MASP1: variants seen among roughly 807,000 people sequenced by gnomAD.
MASP1 encodes mannan-binding lectin serine protease 1.
Under a neutral mutation model 77.1 loss-of-function variants are expected in MASP1, and 59 were observed. The observed-to-expected ratio is 0.77, with a 90% confidence interval of 0.62 to 0.95. MASP1 has a LOEUF of 0.95. Ranked by LOEUF, MASP1 falls within the 40% of genes least tolerant of loss-of-function variation. The probability of loss-of-function intolerance (pLI) is 0.00; values close to 1 mark genes in which losing one functional copy is unlikely to be tolerated. For synonymous variants in MASP1, 362 were observed against 354.5 expected (o/e 1.02, Z -0.24); for missense variants, 885 against 912.9 (o/e 0.97, Z 0.39).
rs183672561 is a variant in MASP1, at chr3:187,291,663, G to T, written c.-31C>A. 4.3e-6 allele frequency: 7 copies of T among 1,614,164 alleles called. No individual in the cohort carries two copies. In the East Asian group the frequency reaches 1.3e-4, roughly 31 times the overall value. ...TGCCTTGGGTGCTCCCGGCTGCCCG[G>T]CCTTGGTCCTCCCAGCTTGACTTGC... On this transcript the variant is annotated 5_prime_UTR_variant, in exon 1 of 11. Transcript: ENST00000296280.
At chr3:187,246,380 C>A in intron 8 of MASP1, 1 of 985,354 alleles carries the variant, frequency 1.0e-6, no homozygotes. Context: ...GACATTTATT[C>A]AACTGACACT....
chr3:187,224,568 G>A (rs1295664576), intron 13 of MASP1, among the ~76,000 whole-genome samples: 1 of 151,896 alleles, frequency 6.6e-6, no homozygotes, highest in African/African-American at 2.4e-5. Context: ...GGATGGTCTC[G>A]ATCTCCTGAC....
intron 1 of MASP1, 48 bp from the exon 2 acceptor site, chr3:187,286,104 C>T (rs1262008643): frequency 5.6e-6 from 8 of 1,432,362 alleles, no homozygotes; most frequent in Non-Finnish European, 7.9e-6. Context: ...ACACAGGCCC[C>T]TGCCATTCAT....
At chr3:187,220,292 A>AAAT (rs1560225073) in intron 15 of MASP1, 1 of 1,603,572 alleles carries the variant, frequency 6.2e-7, no homozygotes, top group Admixed American at 1.7e-5. Flanking sequence ...GATGAAGATA[A>AAAT]AATGCCCCTT....
intron 10 of MASP1, among the ~76,000 whole-genome samples, chr3:187,240,738 TCTC>T (rs1435620918): frequency 6.6e-6 from 1 of 152,160 alleles, no homozygotes; most frequent in Admixed American, 6.5e-5. Flanking sequence ...TTCAAGCAAT[TCTC>T]CTCTCTCAGC....
intron 1 of MASP1, among the ~76,000 whole-genome samples, chr3:187,288,532 C>T (rs1461714668): frequency 3.3e-5 from 5 of 152,238 alleles, no homozygotes; most frequent in African/African-American, 1.2e-4. Context: ...CGACTTCCCA[C>T]AGCACTGCTA....
chr3:187,220,630 T>A (rs1488753790), intron 15 of MASP1, among the ~76,000 whole-genome samples: 1 of 151,744 alleles, frequency 6.6e-6, no homozygotes, highest in Non-Finnish European at 1.5e-5. Flanking sequence ...CCCGAGTAGC[T>A]GGGACTACAG....
chr3:187,266,973 A>G (rs536266177), intron 2 of MASP1, among the ~76,000 whole-genome samples: 93 of 152,380 alleles, frequency 6.1e-4, no homozygotes, highest in African/African-American at 2.2e-3. Flanking sequence ...AATTCATTAC[A>G]TCAGCTAAAC....
intron 9 of MASP1, chr3:187,242,358 A>G (rs1010454717): frequency 2.0e-5 from 3 of 152,268 alleles, no homozygotes; most frequent in Non-Finnish European, 2.9e-5. Flanking sequence ...CTAAAAATAC[A>G]AAAATTAGCT....
chr3:187,219,909 G>T, exon 16 of MASP1: 4 of 717,448 alleles, frequency 5.6e-6, no homozygotes, highest in East Asian at 5.4e-5. Context: ...TCTTTAAAGA[G>T]AGTGAAAAGG....
At position 187,241,540 on chromosome 3, in the gene MASP1, G is replaced by A. The variant is rs1191863717; in HGVS notation, c.1244C>T (p.Ser415Phe). The change falls in exon 10 of 11, where the codon TCT becomes TTT. Residue 415 changes from serine to phenylalanine, a missense_variant. By Grantham distance (155) the Ser-to-Phe change is radical (BLOSUM62 -2). Transcript: ENST00000296280. The part of the protein sequence containing the change: ...LNNNTGIYTC[S>F]AQGVWMNKVL... ...TTTATTCATCCAGACTCCTTGGGCAGAACAGGTATATATACCTGGATTAGT... is the reference window on the plus strand; with the variant it reads ...TTTATTCATCCAGACTCCTTGGGCAAAACAGGTATATATACCTGGATTAGT... 2.5e-6 allele frequency: 4 copies of A among 1,613,296 alleles called. No homozygotes were observed. The East Asian group carries it at 8.9e-5, about 36-fold the overall frequency.
intron 3 of MASP1, among the ~76,000 whole-genome samples, chr3:187,262,143 G>A (rs572551570): frequency 3.9e-5 from 6 of 152,258 alleles, no homozygotes; most frequent in Middle Eastern, 3.4e-3. Flanking sequence ...TCAGTGTCTT[G>A]TTAGAGGTTT....
chr3:187,251,459 A>AC, intron 7 of MASP1, 175 bp downstream of exon 7: 1 of 626,380 alleles, frequency 1.6e-6, no homozygotes, highest in South Asian at 1.8e-5. Flanking sequence ...AGAGTGTGAG[A>AC]CCGCCTGGGA....
chr3:187,247,286 G>T, intron 8 of MASP1: 1 of 1,613,992 alleles, frequency 6.2e-7, no homozygotes, highest in Non-Finnish European at 8.5e-7. Context: ...CAGGGGTCTT[G>T]GGAGTGATCC....
chr3:187,245,424 A>G (rs532381647), intron 8 of MASP1, among the ~76,000 whole-genome samples: 152 of 152,232 alleles, frequency 1.0e-3, no homozygotes, highest in Middle Eastern at 3.4e-3. Context: ...GCTGGCGGAT[A>G]GATATTTTCT....
At chr3:187,239,382 T>C (rs982396084) in intron 10 of MASP1, among the ~76,000 whole-genome samples, 1 of 152,080 alleles carries the variant, frequency 6.6e-6, no homozygotes, top group Non-Finnish European at 1.5e-5. Context: ...CATAGGTCTC[T>C]TGGTTCTGAT....
At chr3:187,269,577 G>C (rs1365133463) in intron 2 of MASP1, among the ~76,000 whole-genome samples, 1 of 152,200 alleles carries the variant, frequency 6.6e-6, no homozygotes, top group Admixed American at 6.5e-5. Context: ...CACTCCCAGA[G>C]AGCAATGGAC....
chr3:187,279,786 A>T (rs1311282482), intron 2 of MASP1, among the ~76,000 whole-genome samples: 1 of 152,188 alleles, frequency 6.6e-6, no homozygotes, highest in East Asian at 1.9e-4. Context: ...ACTAATCTCA[A>T]ACATCAACTA....
At chr3:187,243,384 T>C in intron 9 of MASP1, 100 bp downstream of exon 9, 2 of 1,221,142 alleles carry the variant, frequency 1.6e-6, no homozygotes, top group African/African-American at 1.5e-5. Flanking sequence ...TACACACTTA[T>C]GAGCAGTTCT....
Sources: gnomAD v4.1 joint callset for allele counts (sites outside exome capture counted in the v4.1 genomes callset) on GRCh38, gnomAD v4.1.1 for gene constraint, MANE v1.5 for transcripts, NCBI Gene and HGNC (gene_info 2026-07-23, HGNC 2026-07-21) for gene names.